STAG1: variants seen among roughly 807,000 people sequenced by gnomAD.
STAG1 encodes cohesin subunit SA-1.
A neutral mutation model predicts 170.9 loss-of-function variants in STAG1; 26 were observed. The ratio of observed to expected loss-of-function variants is 0.15; its 90% CI spans 0.11 to 0.21. The LOEUF is 0.21. Ranked by LOEUF, STAG1 falls within the 10% of genes least tolerant of loss-of-function variation. STAG1 has a pLI of 1.00. For synonymous variants in STAG1, 514 were observed against 497.7 expected (o/e 1.03, Z -0.44); for missense variants, 964 against 1,509.5 (o/e 0.64, Z 5.99).
At chr3:136,580,928 A>G (rs1323744809) in intron 4 of STAG1, among the ~76,000 whole-genome samples, 2 of 152,092 alleles carry the variant, frequency 1.3e-5, no homozygotes, top group African/African-American at 2.4e-5. Flanking sequence ...ACTTTGGTAT[A>G]TGGTATGAGG....
intron 1 of STAG1, among the ~76,000 whole-genome samples, chr3:136,633,023 G>T (rs1353506990): frequency 6.6e-6 from 1 of 151,942 alleles, no homozygotes; most frequent in East Asian, 1.9e-4. Context: ...GGGGAGGGCG[G>T]GGAATCACTA....
chr3:136,605,872 C>A (rs1336777459), intron 3 of STAG1, among the ~76,000 whole-genome samples: 2 of 152,142 alleles, frequency 1.3e-5, no homozygotes, highest in African/African-American at 2.4e-5. Context: ...GGAGGGGCTT[C>A]TTTTCCTTAT....
At chr3:136,507,548 G>GTA (rs1486321531) in intron 7 of STAG1, among the ~76,000 whole-genome samples, 2 of 151,740 alleles carry the variant, frequency 1.3e-5, no homozygotes, top group Non-Finnish European at 2.9e-5. Context: ...AAATTTTTTT[G>GTA]TAGAGATGGG....
intron 7 of STAG1, among the ~76,000 whole-genome samples, chr3:136,518,893 A>G (rs1174825871): frequency 1.3e-5 from 2 of 152,096 alleles, no homozygotes; most frequent in Admixed American, 6.6e-5. Flanking sequence ...GACCGTGGAA[A>G]AGAGACACAG....
chr3:136,726,181 G>A (rs1245684262), intron 1 of STAG1, among the ~76,000 whole-genome samples: 1 of 152,142 alleles, frequency 6.6e-6, no homozygotes, highest in Non-Finnish European at 1.5e-5. Context: ...GTTGTTTACT[G>A]TTCTGTGCAT....
chr3:136,414,092 C>G (rs2087705617), intron 21 of STAG1, among the ~76,000 whole-genome samples: 1 of 152,164 alleles, frequency 6.6e-6, no homozygotes. Context: ...GAGGGTCTTG[C>G]TTGAAATGTT....
At chr3:136,357,933 T>C (rs1172587585) in intron 27 of STAG1, 85 bp from the exon 28 acceptor site, 6 of 1,159,884 alleles carry the variant, frequency 5.2e-6, no homozygotes, top group Admixed American at 2.5e-5. Context: ...TTTGTGAAGG[T>C]AGTAAAATTA....
At chr3:136,710,923 T>C (rs908454594) in intron 1 of STAG1, among the ~76,000 whole-genome samples, 4 of 152,108 alleles carry the variant, frequency 2.6e-5, no homozygotes, top group Non-Finnish European at 5.9e-5. Context: ...CTGGACTCCC[T>C]TTGGCTTTAT....
chr3:136,447,941 C>A (rs777765217), intron 14 of STAG1, among the ~76,000 whole-genome samples: 15 of 152,022 alleles, frequency 9.9e-5, no homozygotes, highest in Non-Finnish European at 2.1e-4. Flanking sequence ...ATAATAAATT[C>A]TAGAGTCATA....
intron 1 of STAG1, chr3:136,736,611 C>A: frequency 4.4e-6 from 7 of 1,592,186 alleles, no homozygotes; most frequent in Non-Finnish European, 5.2e-6. Flanking sequence ...ACCATCTCGA[C>A]TTTCCTCAAA....
intron 1 of STAG1, among the ~76,000 whole-genome samples, chr3:136,648,748 T>C (rs758107411): frequency 2.0e-4 from 31 of 152,162 alleles, no homozygotes; most frequent in Non-Finnish European, 4.0e-4. Context: ...AAAATGTATG[T>C]TAAATCCATC....
At chr3:136,517,562 C>A (rs67621498) in intron 7 of STAG1, among the ~76,000 whole-genome samples, 1 of 151,858 alleles carries the variant, frequency 6.6e-6, no homozygotes, top group South Asian at 2.1e-4. Flanking sequence ...AAAATTTTAA[C>A]TTCATAATAC....
intron 5 of STAG1, among the ~76,000 whole-genome samples, chr3:136,551,214 A>G (rs137972500): frequency 1.2e-4 from 5 of 40,790 alleles, no homozygotes; most frequent in African/African-American, 4.3e-4. Flanking sequence ...AGAGTGAGAG[A>G]GAGAGAGAGA....
chr3:136,564,871 G>A (rs1340980033), intron 5 of STAG1, among the ~76,000 whole-genome samples: 1 of 151,284 alleles, frequency 6.6e-6, no homozygotes, highest in Non-Finnish European at 1.5e-5. Context: ...CCAGCCTCCA[G>A]ATTTGTGAGC....
chr3:136,468,319 G>C (rs1026469640), intron 12 of STAG1, among the ~76,000 whole-genome samples: 1 of 152,112 alleles, frequency 6.6e-6, no homozygotes, highest in Non-Finnish European at 1.5e-5. Flanking sequence ...AAAGGATAAA[G>C]GGGATATCAC....
At chr3:136,702,849 C>G (rs1042771708) in intron 1 of STAG1, among the ~76,000 whole-genome samples, 1 of 151,990 alleles carries the variant, frequency 6.6e-6, no homozygotes, top group African/African-American at 2.4e-5. Flanking sequence ...GCGGGCAGAT[C>G]ACGAGGTCAG....
At chr3:136,622,732 G>C (rs1939921595) in intron 3 of STAG1, among the ~76,000 whole-genome samples, 1 of 152,018 alleles carries the variant, frequency 6.6e-6, no homozygotes, top group Admixed American at 6.6e-5. Context: ...TCTCAAAGTA[G>C]GATTATCTAG....
At chr3:136,343,208 C>A (rs75276649) in intron 30 of STAG1, among the ~76,000 whole-genome samples, 2,536 of 152,224 alleles carry the variant, frequency 0.017, 76 homozygotes, top group African/African-American at 0.058. Flanking sequence ...TGGAAAACAA[C>A]AATAAGATTT....
chr3:136,347,685 A>C (rs1321336922), intron 29 of STAG1, among the ~76,000 whole-genome samples: 1 of 152,202 alleles, frequency 6.6e-6, no homozygotes, highest in African/African-American at 2.4e-5. Flanking sequence ...TGCCTAATTT[A>C]CTGACTGATG....
Sources: gnomAD v4.1 joint callset for allele counts (sites outside exome capture counted in the v4.1 genomes callset) on GRCh38, gnomAD v4.1.1 for gene constraint, MANE v1.5 for transcripts, NCBI Gene and HGNC (gene_info 2026-07-23, HGNC 2026-07-21) for gene names.